The following RESF1 variants were observed in gnomAD, a reference collection of about 807,000 sequenced individuals.
The protein encoded by RESF1 is retroelement silencing factor 1, also known as gonad expressed transcript.
Under a neutral mutation model 134.7 loss-of-function variants are expected in RESF1, and 65 were observed. The observed-to-expected ratio is 0.48, with a 90% CI of 0.40 to 0.59. The LOEUF is 0.59. Ranked by LOEUF, RESF1 falls within the 20% of genes least tolerant of loss-of-function variation. The pLI is 0.00. For missense variants in RESF1, 2,274 were observed against 2,002.7 expected, an observed-to-expected ratio of 1.14 and a Z score of -2.59; for synonymous variants, 762 against 702.2, an observed-to-expected ratio of 1.09 and a Z score of -1.35.
In RESF1 at chr12:31,987,163, C is replaced by T. The variant is rs948625392; in HGVS notation, c.5003-76C>T. On this transcript the variant is annotated intron_variant, in intron 4 of 5. Coordinates refer to ENST00000312561, the MANE Select transcript of RESF1 (RefSeq NM_018169.4). ...CCTTTCAAAATCTATTTTCAGCTTA[C>T]ATGATTTTCCTTTGTTATAGTACTA... 5 of 773,026 alleles carry T rather than the reference C, an allele frequency of 6.5e-6. No individual in the cohort carries two copies. In the Admixed American group the frequency reaches 8.0e-5, roughly 12 times the overall value. The allele number at this position is 773,026 out of a possible 1,614,324, so 47.9% of individuals were successfully genotyped here. A position where few individuals can be genotyped will look rare whatever the true frequency, so the allele number is the denominator to read the frequency against.
In RESF1 at chr12:31,982,609, G is replaced by A. The variant is rs1198437061; in HGVS notation, c.1654G>A (p.Glu552Lys). The A allele has an allele frequency of 1.9e-6, 3 of 1,613,914 alleles. No homozygotes were observed. The highest frequency in any genetic ancestry group is 1.3e-5 in the African/African-American group (1 of 75,038). Reference protein sequence around the residue: ...QLSSENVTKVEQNSPAVCETI... With the variant: ...QLSSENVTKVKQNSPAVCETI... ...TTCATCAGAAAATGTTACCAAAGTT[G>A]AGCAAAATTCACCAGCAGTTTGTGA... The change falls in exon 4 of 6, where the codon GAG becomes AAG. Residue 552 changes from glutamate (E) to lysine (K), a missense_variant. Physicochemically the swap from Glu to Lys is moderately conservative, Grantham distance 56. Transcript: ENST00000312561.
In RESF1 at chr12:31,985,522, C is replaced by G; in HGVS notation, c.4567C>G (p.His1523Asp). 6.3e-7 allele frequency: 1 copy of G among 1,598,530 alleles called. No individual in the cohort carries two copies. Among genetic ancestry groups the G allele is most frequent in the Non-Finnish European group, 8.5e-7 (1 of 1,175,660 alleles). The change falls in exon 4 of 6, where the codon CAT becomes GAT. Residue 1523 changes from histidine to aspartate, a missense_variant. Coordinates refer to ENST00000312561, the MANE Select transcript of RESF1 (RefSeq NM_018169.4). Reference protein sequence around the residue: ...TSHGKNLKIHHSQESKTYNIL... With the variant: ...TSHGKNLKIHDSQESKTYNIL... ...CCATGGTAAAAACCTCAAAATCCAC[C>G]ATTCTCAGGAGTCTAAAACATACAA...
At position 31,985,356 on chromosome 12, in the gene RESF1, CTG is replaced by C. The variant is rs755855276; in HGVS notation, c.4406_4407del (p.Val1469GlufsTer6). ...ALSNKASKKI[C>X]VKNVPCDSEH... is the part of the protein sequence containing the mutation. ...TGAGTAATAAAGCATCGAAGAAAAT[CTG>C]TGTGAAAAACGTGCCATGTGATTCT... On this transcript the variant is annotated frameshift_variant, in exon 4 of 6. Coordinates refer to ENST00000312561, the MANE Select transcript of RESF1 (RefSeq NM_018169.4). LOFTEE classifies it high-confidence loss of function. 10 of 1,609,170 alleles carry C rather than the reference CTG, an allele frequency of 6.2e-6. No individual in the cohort carries two copies. Among genetic ancestry groups the C allele is most frequent in the African/African-American group, 2.7e-5 (2 of 74,570 alleles).
rs1275135081 is a variant in RESF1 at position 31,982,188 on chromosome 12, A to C, written c.1233A>C (p.Ala411=). The C allele has an allele frequency of 6.2e-7, 1 of 1,611,380 alleles. No homozygotes were observed. Among genetic ancestry groups the C allele is most frequent in the Admixed American group, 1.7e-5 (1 of 59,348 alleles). Residue 411 remains alanine (A), a synonymous_variant, in exon 4 of 6, where the codon GCA becomes GCC. Transcript: ENST00000312561. ...TAAAACAGAAGTTTTCAGAACTTGC[A>C]AGGAAAATTAAAATCAATAAAGATC... ...VEIKQKFSEL[A]RKIKINKDLL...
At chr12:31,978,822 A>G (rs1456565134) in intron 3 of RESF1, among the ~76,000 whole-genome samples, 2 of 150,970 alleles carry the variant, frequency 1.3e-5, no homozygotes, top group Non-Finnish European at 3.0e-5. Context: ...CAGCCTCCCA[A>G]AGTGCTGCGA....
In RESF1 at chr12:31,981,509, G is replaced by T. The variant is rs771222097; in HGVS notation, c.554G>T (p.Gly185Val). ...RLPVAYQGNQ[G>V]LNQSFSEQQV... The stretch of plus-strand genomic sequence containing the variant: ...CCTGTAGCTTACCAAGGAAATCAGG[G>T]ACTTAACCAGTCTTTTTCAGAGCAA... The change falls in exon 4 of 6, where the codon GGA becomes GTA. Residue 185 changes from glycine (G) to valine (V), a missense_variant. By Grantham distance (109) the Gly-to-Val change is moderately radical. Coordinates refer to ENST00000312561, the MANE Select transcript of RESF1 (RefSeq NM_018169.4). 9 of 1,613,818 alleles carry T rather than the reference G, an allele frequency of 5.6e-6. No homozygotes were observed. Among genetic ancestry groups the T allele is most frequent in the African/African-American group, 1.3e-5 (1 of 74,890 alleles).
At chr12:31,978,959 C>T (rs1490640985) in intron 3 of RESF1, among the ~76,000 whole-genome samples, 8 of 138,940 alleles carry the variant, frequency 5.8e-5, no homozygotes, top group African/African-American at 2.1e-4. Flanking sequence ...CTAGCTCTGT[C>T]ACCCAGGCTG....
chr12:31,991,511 C>T lies in RESF1; in HGVS notation c.5087-867C>T, dbSNP rs1592269011. Among the ~76,000 whole-genome samples, 3 of 152,206 alleles carry T rather than the reference C, an allele frequency of 2.0e-5. No homozygotes were observed. The South Asian group carries it at 6.2e-4, about 31-fold the overall frequency. Reference sequence around the variant, plus strand: ...AGCAGGAATGAAATGTACAGATAGTCCCTGACTTGGCAGTGGTTTGACTTA... The same window carrying T: ...AGCAGGAATGAAATGTACAGATAGTTCCTGACTTGGCAGTGGTTTGACTTA... On this transcript the variant is annotated intron_variant, in intron 5 of 5. Coordinates refer to ENST00000312561, the MANE Select transcript of RESF1 (RefSeq NM_018169.4).
chr12:31,980,133 CAG>C (rs1457203219), intron 3 of RESF1, among the ~76,000 whole-genome samples: 22 of 76,320 alleles, frequency 2.9e-4, no homozygotes, highest in Middle Eastern at 0.03. Context: ...TTTTTTGAAA[CAG>C]AGTCTTCACT....
Position 31,987,294 on chromosome 12 carries a change from A to G in RESF1, c.5058A>G (p.Lys1686=), listed in dbSNP as rs762507439. The G allele has an allele frequency of 3.1e-6, 5 of 1,603,178 alleles. No homozygotes were observed. Among genetic ancestry groups the G allele is most frequent in the Non-Finnish European group, 4.3e-6 (5 of 1,171,288 alleles). ...GGTTAAAATTTGTTGCTACAAAGAA[A>G]AGGACACAGAAAGACAGCCAAGAGA... The part of the protein sequence containing the change: ...EDWLKFVATK[K]RTQKDSQERD... The change falls in exon 5 of 6, where the codon AAA becomes AAG. Residue 1686 remains lysine, a synonymous_variant. Transcript: ENST00000312561.
rs149706959 is a variant in RESF1, at chr12:31,985,928, A to G, written c.4973A>G (p.His1658Arg). Residue 1658 changes from histidine (H) to arginine (R), a missense_variant, in exon 4 of 6, where the codon CAT (histidine) becomes CGT (arginine). Physicochemically the swap from His to Arg is conservative, Grantham distance 29. Transcript: ENST00000312561. ...SVEERKDVKPHPRKEQAPLQV... is the reference protein window; with the variant it reads ...SVEERKDVKPRPRKEQAPLQV... ...GAAGAACGGAAGGATGTAAAGCCTC[A>G]TCCTAGGAAGGAGCAAGCCCCTCTG... is the stretch of plus-strand genomic sequence containing the variant. 249 of 1,498,648 alleles carry G rather than the reference A, an allele frequency of 1.7e-4. 1 individual carries two copies. Among genetic ancestry groups the G allele is most frequent in the Non-Finnish European group, 2.1e-4 (243 of 1,130,424 alleles). The allele number at this position is 1,498,648 out of a possible 1,614,324, so 92.8% of individuals were successfully genotyped here.
chr12:31,992,399 C>G lies in RESF1; in HGVS notation c.5108C>G (p.Ser1703Trp), dbSNP rs773678678. 3.3e-5 allele frequency: 54 copies of G among 1,612,234 alleles called. 1 individual carries two copies. In the Middle Eastern group the frequency reaches 9.9e-4, roughly 30 times the overall value. ...QERDNVNSRL[S>W]KRSFSADGFE... ...TTAGATAATGTTAATTCAAGACTCT[C>G]GAAGAGAAGCTTCAGTGCAGATGGA... Residue 1703 changes from serine to tryptophan, a missense_variant, in exon 6 of 6, where the codon TCG (serine) becomes TGG (tryptophan). By Grantham distance (177) the Ser-to-Trp change is radical. Transcript: ENST00000312561.
intron 2 of RESF1, among the ~76,000 whole-genome samples, chr12:31,964,325 G>C (rs1224582128): frequency 6.6e-6 from 1 of 151,816 alleles, no homozygotes; most frequent in African/African-American, 2.4e-5. Context: ...GCCCCAGTGT[G>C]TTGAGCCCCT....
chr12:31,985,191 A>G lies in RESF1; in HGVS notation c.4236A>G (p.Ser1412=). 1 of 1,573,328 alleles carries G rather than the reference A, an allele frequency of 6.4e-7. No homozygotes were observed. The highest frequency in any genetic ancestry group is 1.2e-5 in the South Asian group (1 of 83,146). Residue 1412 remains serine, a synonymous_variant, in exon 4 of 6, where the codon TCA becomes TCG. Transcript: ENST00000312561. Reference sequence around the variant, plus strand: ...CATTCAAATTAGGTGACTCTTTGTCAAACCCAAACGAAAGAGCCATTGTTA... The same window carrying G: ...CATTCAAATTAGGTGACTCTTTGTCGAACCCAAACGAAAGAGCCATTGTTA... ...GATFKLGDSL[S]NPNERAIVKE...
At chr12:31,990,886 C>T (rs1225826003) in intron 5 of RESF1, among the ~76,000 whole-genome samples, 4 of 152,132 alleles carry the variant, frequency 2.6e-5, no homozygotes, top group South Asian at 2.1e-4. Context: ...GCCATGAACT[C>T]CCAATCTGCT....
Position 31,983,736 on chromosome 12 carries a change from T to G in RESF1, c.2781T>G (p.Ser927=). 2 of 1,613,894 alleles carry G rather than the reference T, an allele frequency of 1.2e-6. No homozygotes were observed. The highest frequency in any genetic ancestry group is 1.7e-6 in the Non-Finnish European group (2 of 1,180,006). Reference sequence around the variant, plus strand: ...AAATGGTTGAGCCACAGAAACCTTCTCTACCCAATCAGCAAGGGATTGGCA... The same window carrying G: ...AAATGGTTGAGCCACAGAAACCTTCGCTACCCAATCAGCAAGGGATTGGCA... ...PLKMVEPQKP[S]LPNQQGIGSR... is the part of the protein sequence containing the mutation. Residue 927 remains serine, a synonymous_variant, in exon 4 of 6, where the codon TCT becomes TCG. Coordinates refer to ENST00000312561, the MANE Select transcript of RESF1 (RefSeq NM_018169.4).
At position 31,985,072 on chromosome 12, in the gene RESF1, C is replaced by A. The variant is rs770673127; in HGVS notation, c.4117C>A (p.Gln1373Lys). The change falls in exon 4 of 6, where the codon CAA becomes AAA. Residue 1373 changes from glutamine (Q) to lysine (K), a missense_variant. Gln to Lys is a moderately conservative substitution (Grantham distance 53). Coordinates refer to ENST00000312561, the MANE Select transcript of RESF1 (RefSeq NM_018169.4). Reference protein sequence around the residue: ...KLKLKSVSFKQKRKLDQGNVL... With the variant: ...KLKLKSVSFKKKRKLDQGNVL... ...GAAACTCAAATCAGTTAGCTTCAAA[C>A]AAAAACGAAAGTTAGACCAAGGGAA... 6.4e-7 allele frequency: 1 copy of A among 1,571,388 alleles called. No homozygotes were observed. The highest frequency in any genetic ancestry group is 1.2e-5 in the South Asian group (1 of 82,842).
Position 31,983,437 on chromosome 12 carries a change from TC to T in RESF1, c.2483del (p.Ser828Ter), listed in dbSNP as rs767170229. On this transcript the variant is annotated frameshift_variant, in exon 4 of 6. Transcript: ENST00000312561. LOFTEE classifies it high-confidence loss of function. ...VSGPVASTAT[S>X]TKIFPLTQKE... ...TGGACCAGTAGCAAGTACAGCAACA[TC>T]AACCAAGATTTTTCCACTAACTCAG... is the stretch of plus-strand genomic sequence containing the variant. 1 of 1,614,068 alleles carries T rather than the reference TC, an allele frequency of 6.2e-7. No individual in the cohort carries two copies. Among genetic ancestry groups the T allele is most frequent in the Non-Finnish European group, 8.5e-7 (1 of 1,179,990 alleles).
chr12:31,964,046 G>C lies in RESF1; in HGVS notation c.-247+3175G>C, dbSNP rs189979424. Reference sequence around the variant, plus strand: ...TTTATTTCTTTTGGGTAAATACCTAGGAGTGGAATTCCTTGGTTATGATAA... The same window carrying C: ...TTTATTTCTTTTGGGTAAATACCTACGAGTGGAATTCCTTGGTTATGATAA... On this transcript the variant is annotated intron_variant, in intron 2 of 5. Coordinates refer to ENST00000312561, the MANE Select transcript of RESF1 (RefSeq NM_018169.4). Among the ~76,000 whole-genome samples the C allele has an allele frequency of 2.8e-4, 42 of 152,276 alleles. 1 individual carries two copies. Among genetic ancestry groups the C allele is most frequent in the African/African-American group, 9.9e-4 (41 of 41,560 alleles).
Sources: gnomAD v4.1 joint callset for allele counts (sites outside exome capture counted in the v4.1 genomes callset) on GRCh38, gnomAD v4.1.1 for gene constraint, MANE v1.5 for transcripts, NCBI Gene and HGNC (gene_info 2026-07-23, HGNC 2026-07-21) for gene names.